MAGI2: variants seen among roughly 807,000 people sequenced by gnomAD.
MAGI2 encodes the protein membrane associated guanylate kinase, WW and PDZ domain containing 2, also known as membrane-associated guanylate kinase, WW and PDZ domain-containing protein 2.
Under a neutral mutation model 133.3 loss-of-function variants are expected in MAGI2, and 35 were observed. The observed-to-expected ratio is 0.26, with a 90% CI of 0.20 to 0.35. MAGI2 has a LOEUF of 0.35. MAGI2 is among the 10% of genes least tolerant of loss of function. The pLI is 1.00. For missense variants in MAGI2, 1,636 were observed against 1,863.4 expected (o/e 0.88, Z 2.25); for synonymous variants, 729 against 710.6 (o/e 1.03, Z -0.41).
At chr7:78,465,655 A>G (rs549322171) in intron 6 of MAGI2, among the ~76,000 whole-genome samples, 1 of 152,348 alleles carries the variant, frequency 6.6e-6, no homozygotes, top group East Asian at 1.9e-4. Context: ...TTTCTGAAAA[A>G]GAAATGGAAT....
intron 3 of MAGI2, among the ~76,000 whole-genome samples, chr7:78,533,732 A>G (rs181410794): frequency 6.6e-6 from 1 of 152,342 alleles, no homozygotes; most frequent in East Asian, 1.9e-4. Context: ...TTATATGTCA[A>G]AATGGTAATA....
Position 79,383,954 on chromosome 7 carries a change from A to C in MAGI2, c.301+69066T>G, listed in dbSNP as rs150134801. Among the ~76,000 whole-genome samples, 359 of 151,638 alleles carry C rather than the reference A, an allele frequency of 2.4e-3. 3 individuals carry two copies. Among genetic ancestry groups the C allele is most frequent in the African/African-American group, 8.1e-3 (337 of 41,510 alleles). ...CTGCAATAAAATTTAAAAATTAATA[A>C]ATGTTATAAATATATTCTAGGAAGA... On this transcript the variant is annotated intron_variant, in intron 1 of 21. Coordinates refer to ENST00000354212, the MANE Select transcript of MAGI2 (RefSeq NM_012301.4).
chr7:78,535,524 C>T (rs1206326713), intron 3 of MAGI2, among the ~76,000 whole-genome samples: 2 of 152,076 alleles, frequency 1.3e-5, no homozygotes, highest in East Asian at 3.9e-4. Context: ...AAAATTATAA[C>T]TGAGGAAATC....
At chr7:78,318,575 A>G (rs1423313250) in intron 9 of MAGI2, among the ~76,000 whole-genome samples, 1 of 152,200 alleles carries the variant, frequency 6.6e-6, no homozygotes, top group Non-Finnish European at 1.5e-5. Flanking sequence ...AACTTCCCCA[A>G]CTTAGCAAGA....
chr7:78,088,925 G>T (rs1367897057), intron 20 of MAGI2, among the ~76,000 whole-genome samples: 1 of 152,196 alleles, frequency 6.6e-6, no homozygotes, highest in East Asian at 1.9e-4. Context: ...AATCACAAAG[G>T]TCAAAGTCTG....
chr7:78,833,859 C>G (rs1340735817), intron 2 of MAGI2, among the ~76,000 whole-genome samples: 1 of 152,182 alleles, frequency 6.6e-6, no homozygotes, highest in East Asian at 1.9e-4. Flanking sequence ...AAAGTGATCA[C>G]TTCTAGCTGT....
intron 1 of MAGI2, among the ~76,000 whole-genome samples, chr7:79,012,973 C>G (rs1808324412): frequency 6.6e-6 from 1 of 152,072 alleles, no homozygotes; most frequent in Non-Finnish European, 1.5e-5. Flanking sequence ...GGGTCTCACC[C>G]TCATAATTTA....
intron 2 of MAGI2, among the ~76,000 whole-genome samples, chr7:78,816,605 TA>T (rs1427932822): frequency 1.3e-5 from 2 of 152,150 alleles, no homozygotes; most frequent in African/African-American, 4.8e-5. Flanking sequence ...CTAGGACCCT[TA>T]AAAATTACAT....
chr7:79,417,558 T>C (rs1846621955), intron 1 of MAGI2, among the ~76,000 whole-genome samples: 1 of 152,104 alleles, frequency 6.6e-6, no homozygotes, highest in African/African-American at 2.4e-5. Context: ...AACACATCTA[T>C]GTAGGCGTTA....
chr7:79,213,079 G>A (rs535900714), intron 1 of MAGI2, among the ~76,000 whole-genome samples: 170 of 152,020 alleles, frequency 1.1e-3, no homozygotes, highest in Non-Finnish European at 1.6e-3. Flanking sequence ...GGATCGAGGG[G>A]AGCAATAGTA....
intron 1 of MAGI2, among the ~76,000 whole-genome samples, chr7:79,102,847 C>T (rs1195343647): frequency 1.3e-5 from 2 of 152,114 alleles, no homozygotes; most frequent in Non-Finnish European, 2.9e-5. Flanking sequence ...GGTGTTGCTG[C>T]GAAGATAGTT....
intron 1 of MAGI2, among the ~76,000 whole-genome samples, chr7:79,157,369 C>T (rs564409099): frequency 5.5e-4 from 84 of 151,838 alleles, no homozygotes; most frequent in African/African-American, 1.7e-3. Flanking sequence ...GTCTAGGAAA[C>T]GCATATAAGG....
At chr7:78,926,372 T>C (rs979073786) in intron 2 of MAGI2, among the ~76,000 whole-genome samples, 2 of 151,966 alleles carry the variant, frequency 1.3e-5, no homozygotes, top group Non-Finnish European at 2.9e-5. Flanking sequence ...TCCTCCTGAG[T>C]TCAAAGAATT....
chr7:79,088,495 C>A (rs904971512), intron 1 of MAGI2, among the ~76,000 whole-genome samples: 3 of 151,698 alleles, frequency 2.0e-5, no homozygotes, highest in Non-Finnish European at 4.4e-5. Flanking sequence ...TATTTGAATA[C>A]TTTATTTCTT....
intron 1 of MAGI2, among the ~76,000 whole-genome samples, chr7:79,390,554 G>A (rs944808014): frequency 6.6e-6 from 1 of 152,148 alleles, no homozygotes; most frequent in Admixed American, 6.6e-5. Context: ...CTGGAGGAGG[G>A]TGCATAGAAG....
At chr7:78,474,628 A>G (rs1256953718) in intron 6 of MAGI2, among the ~76,000 whole-genome samples, 2 of 151,962 alleles carry the variant, frequency 1.3e-5, no homozygotes, top group Non-Finnish European at 2.9e-5. Context: ...TCTGTACAAA[A>G]TAAAGTTTCC....
At chr7:78,536,103 CTT>C (rs544655465) in intron 3 of MAGI2, among the ~76,000 whole-genome samples, 3,809 of 58,856 alleles carry the variant, frequency 0.065, 9 homozygotes, top group Non-Finnish European at 0.077. Context: ...ATGAATTAAA[CTT>C]TTTTTTTTTT....
chr7:78,905,986 T>C (rs957844360), intron 2 of MAGI2, among the ~76,000 whole-genome samples: 1 of 152,064 alleles, frequency 6.6e-6, no homozygotes, highest in Non-Finnish European at 1.5e-5. Context: ...GCAGCAAGTC[T>C]TCAGTATTTA....
At chr7:78,774,909 T>A (rs1206090116) in intron 2 of MAGI2, among the ~76,000 whole-genome samples, 1 of 152,214 alleles carries the variant, frequency 6.6e-6, no homozygotes, top group Non-Finnish European at 1.5e-5. Context: ...TATTTTCATT[T>A]ACTGCAGATG....
Sources: gnomAD v4.1 joint callset for allele counts (sites outside exome capture counted in the v4.1 genomes callset) on GRCh38, gnomAD v4.1.1 for gene constraint, MANE v1.5 for transcripts, NCBI Gene and HGNC (gene_info 2026-07-23, HGNC 2026-07-21) for gene names.